The following ALDH1A2 variants were observed in gnomAD, a reference collection of about 807,000 sequenced individuals.
ALDH1A2 encodes the protein aldehyde dehydrogenase 1 family member A2, also known as retinal dehydrogenase 2.
A neutral mutation model predicts 60.3 loss-of-function variants in ALDH1A2; 27 were observed. The observed-to-expected ratio is 0.45, with a 90% CI of 0.33 to 0.62. The LOEUF (loss-of-function observed/expected upper bound fraction) is 0.62. ALDH1A2 is among the 20% of genes least tolerant of loss of function. The pLI, the probability that ALDH1A2 is intolerant of heterozygous loss-of-function variation, is 0.02. For missense variants in ALDH1A2, 581 were observed against 643.8 expected (o/e 0.90, Z 1.06); for synonymous variants, 289 against 232.4 (o/e 1.24, Z -2.21).
chr15:58,040,108 T>C (rs553444711), intron 1 of ALDH1A2, among the ~76,000 whole-genome samples: 1 of 151,982 alleles, frequency 6.6e-6, no homozygotes, highest in East Asian at 1.9e-4. Flanking sequence ...TATATTCTAA[T>C]TGTATAAAAT....
Position 58,065,560 on chromosome 15 carries a change from G to A in ALDH1A2, c.91C>T (p.Pro31Ser). The A allele has an allele frequency of 6.2e-7, 1 of 1,613,782 alleles. No homozygotes were observed. ...ASLHLLPSPT[P>S]NLEIKYTKIF... ...TTGGTGTACTTAATTTCGAGATTGGGCGTGGGCGACGGCAGGAGGTGCAGC... is the reference window on the plus strand; with the variant it reads ...TTGGTGTACTTAATTTCGAGATTGGACGTGGGCGACGGCAGGAGGTGCAGC... The change falls in exon 1 of 13, where the codon CCC (proline) becomes TCC (serine). Residue 31 changes from proline to serine, a missense_variant. Coordinates refer to ENST00000249750, the MANE Select transcript of ALDH1A2 (RefSeq NM_003888.4).
At chr15:58,008,134 G>C (rs1247654722) in intron 4 of ALDH1A2, among the ~76,000 whole-genome samples, 1 of 152,050 alleles carries the variant, frequency 6.6e-6, no homozygotes, top group African/African-American at 2.4e-5. Flanking sequence ...ACCATGGAGA[G>C]AGCTCTTATG....
intron 1 of ALDH1A2, among the ~76,000 whole-genome samples, chr15:58,060,458 CAT>C (rs1341657894): frequency 0.01 from 1,419 of 135,834 alleles, 13 homozygotes; most frequent in South Asian, 0.018. Flanking sequence ...AGATGCCACA[CAT>C]ATCTTTTTTT....
intron 4 of ALDH1A2, among the ~76,000 whole-genome samples, chr15:57,998,299 A>AC (rs1257471450): frequency 6.6e-6 from 1 of 151,938 alleles, no homozygotes; most frequent in Non-Finnish European, 1.5e-5. Context: ...TATCTAGAAA[A>AC]CCCCATTGTC....
In ALDH1A2 at chr15:58,038,235, T is replaced by G. The variant is rs905459936; in HGVS notation, c.118-23954A>C. Reference sequence around the variant, plus strand: ...GCTGGAGTCTCCTTAAATTTCTGTATTTTCTTTCTTCTCCAGGCCAAGTAA... The same window carrying G: ...GCTGGAGTCTCCTTAAATTTCTGTAGTTTCTTTCTTCTCCAGGCCAAGTAA... On this transcript the variant is annotated intron_variant, in intron 1 of 12. Coordinates refer to ENST00000249750, the MANE Select transcript of ALDH1A2 (RefSeq NM_003888.4). Among the ~76,000 whole-genome samples the G allele has an allele frequency of 1.3e-4, 19 of 151,838 alleles. No homozygotes were observed. In the East Asian group the frequency reaches 3.7e-3, roughly 29 times the overall value.
At chr15:57,967,943 G>A (rs1893948047) in intron 7 of ALDH1A2, among the ~76,000 whole-genome samples, 2 of 152,114 alleles carry the variant, frequency 1.3e-5, no homozygotes, top group African/African-American at 2.4e-5. Flanking sequence ...CTCTCTTCTG[G>A]GAATGCTGAA....
chr15:58,033,649 T>C (rs1896301144), intron 1 of ALDH1A2, among the ~76,000 whole-genome samples: 1 of 151,424 alleles, frequency 6.6e-6, no homozygotes. Flanking sequence ...GTGAGTTAAT[T>C]TTTGTGGAAG....
chr15:58,058,169 C>T (rs1299267658), intron 1 of ALDH1A2: 1 of 1,158,190 alleles, frequency 8.6e-7, no homozygotes, highest in Admixed American at 2.0e-5. Context: ...CATAATTTCA[C>T]CTTCCCAGGC....
chr15:58,061,615 A>C (rs1217045186), intron 1 of ALDH1A2, among the ~76,000 whole-genome samples: 3,177 of 146,150 alleles, frequency 0.022, 143 homozygotes, highest in African/African-American at 0.064. Context: ...AAAAACAAAA[A>C]AAAAAAAAAA....
chr15:58,030,910 T>C (rs1896221434), intron 1 of ALDH1A2, among the ~76,000 whole-genome samples: 1 of 152,318 alleles, frequency 6.6e-6, no homozygotes, highest in East Asian at 1.9e-4. Flanking sequence ...GAACATTCCA[T>C]GCTCATGGAT....
At chr15:58,004,039 G>A (rs111239247) in intron 4 of ALDH1A2, among the ~76,000 whole-genome samples, 17 of 151,834 alleles carry the variant, frequency 1.1e-4, no homozygotes, top group South Asian at 4.1e-4. Flanking sequence ...GGCCTTGAGC[G>A]AAACAGAATG....
chr15:58,036,854 A>G (rs1407273508), intron 1 of ALDH1A2: 1 of 151,726 alleles, frequency 6.6e-6, no homozygotes, highest in African/African-American at 2.4e-5. Flanking sequence ...ACATGTTAGA[A>G]TAACACTTTG....
At chr15:58,018,372 G>A (rs978232253) in intron 1 of ALDH1A2, among the ~76,000 whole-genome samples, 6 of 151,972 alleles carry the variant, frequency 3.9e-5, no homozygotes, top group African/African-American at 9.7e-5. Flanking sequence ...ATAAGGAGGC[G>A]CTCTTCTTCA....
At chr15:58,051,086 A>G (rs887213533) in intron 1 of ALDH1A2, among the ~76,000 whole-genome samples, 1 of 152,082 alleles carries the variant, frequency 6.6e-6, no homozygotes, top group Non-Finnish European at 1.5e-5. Context: ...GAATTATTGA[A>G]TTTTTTTCTG....
rs374488877 is a variant in ALDH1A2 at position 57,999,592 on chromosome 15, T to A, written c.494-4453A>T. ...GGAACACTGTTCCTATTTCCCACTT[T>A]GTTTACATTCCCACTGTTGGTGGGA... is the stretch of plus-strand genomic sequence containing the variant. On this transcript the variant is annotated intron_variant, in intron 4 of 12. Coordinates refer to ENST00000249750, the MANE Select transcript of ALDH1A2 (RefSeq NM_003888.4). 1.2e-4 allele frequency among the ~76,000 whole-genome samples: 18 copies of A among 151,810 alleles called. No homozygotes were observed. In the East Asian group the frequency reaches 2.7e-3, roughly 23 times the overall value.
chr15:58,024,840 C>A (rs1896033862), intron 1 of ALDH1A2, among the ~76,000 whole-genome samples: 1 of 152,112 alleles, frequency 6.6e-6, no homozygotes, highest in South Asian at 2.1e-4. Context: ...TCAAGTATCT[C>A]CTCAGACAAC....
In ALDH1A2 at chr15:57,981,341, CACTG is replaced by C. The variant is rs140077924; in HGVS notation, c.798+11360_798+11363del. Among the ~76,000 whole-genome samples the C allele has an allele frequency of 3.3e-3, 497 of 151,196 alleles. 1 individual carries two copies. Among genetic ancestry groups the C allele is most frequent in the African/African-American group, 0.012 (475 of 41,028 alleles). ...ACACACACACACAGACACACACAAA[CACTG>C]ACTGGTAGCCAAAAATATTTGTAAA... is the stretch of plus-strand genomic sequence containing the variant. On this transcript the variant is annotated intron_variant, in intron 7 of 12. Coordinates refer to ENST00000249750, the MANE Select transcript of ALDH1A2 (RefSeq NM_003888.4).
chr15:57,984,821 A>C (rs1894642055), intron 7 of ALDH1A2, among the ~76,000 whole-genome samples: 1 of 152,092 alleles, frequency 6.6e-6, no homozygotes, highest in East Asian at 1.9e-4. Context: ...TGCTGTGAAC[A>C]TTTTTGTACA....
chr15:58,014,368 A>AT lies in ALDH1A2; in HGVS notation c.118-88dup, dbSNP rs1895729990. 7 of 975,446 alleles carry AT rather than the reference A, an allele frequency of 7.2e-6. No homozygotes were observed. The East Asian group carries it at 1.7e-4, about 23-fold the overall frequency. The allele number at this position is 975,446 out of a possible 1,614,324, so 60.4% of individuals were successfully genotyped here. A position where few individuals can be genotyped will look rare whatever the true frequency, so the allele number is the denominator to read the frequency against. On this transcript the variant is annotated intron_variant, in intron 1 of 12. Coordinates refer to ENST00000249750, the MANE Select transcript of ALDH1A2 (RefSeq NM_003888.4). ...CAAGTGTTACGGAACTACTATGGTAATAACACTTGTTGTATAATAAAAGTA... is the reference window on the plus strand; with the variant it reads ...CAAGTGTTACGGAACTACTATGGTAATTAACACTTGTTGTATAATAAAAGTA...
Sources: allele counts gnomAD v4.1 joint callset (sites outside exome capture counted in the v4.1 genomes callset), GRCh38; gene constraint gnomAD v4.1.1; transcripts MANE v1.5; gene names NCBI Gene and HGNC (gene_info 2026-07-23, HGNC 2026-07-21).